TENM4: variants seen among roughly 807,000 people sequenced by gnomAD.
TENM4 encodes teneurin transmembrane protein 4, also known as teneurin-4.
Under a neutral mutation model 243.3 loss-of-function variants are expected in TENM4, and 82 were observed. The observed-to-expected ratio is 0.34, with a 90% CI of 0.28 to 0.40. The LOEUF (loss-of-function observed/expected upper bound fraction) is 0.40. Ranked by LOEUF, TENM4 falls within the 10% of genes least tolerant of loss-of-function variation. TENM4 has a pLI of 1.00. For synonymous variants in TENM4, 1,412 were observed against 1,456.3 expected (o/e 0.97, Z 0.69); for missense variants, 3,138 against 3,673.3 (o/e 0.85, Z 3.77).
At chr11:79,099,138 G>C (rs1861157932) in intron 4 of TENM4, among the ~76,000 whole-genome samples, 1 of 152,132 alleles carries the variant, frequency 6.6e-6, no homozygotes, top group African/African-American at 2.4e-5. Context: ...CCCTCCTCCT[G>C]TTGGAGGAGC....
chr11:79,150,545 C>T (rs1239269458), intron 3 of TENM4, among the ~76,000 whole-genome samples: 1 of 152,188 alleles, frequency 6.6e-6, no homozygotes, highest in Non-Finnish European at 1.5e-5. Flanking sequence ...TCCACTCCCA[C>T]ACTCTTCACA....
chr11:78,731,689 T>C (rs1855671755), intron 21 of TENM4, among the ~76,000 whole-genome samples: 1 of 152,230 alleles, frequency 6.6e-6, no homozygotes, highest in Non-Finnish European at 1.5e-5. Flanking sequence ...TTGATTTCCA[T>C]CAGATTAAAA....
chr11:79,064,515 C>T lies in TENM4; in HGVS notation c.493+223G>A, dbSNP rs547385771. 9.9e-6 allele frequency: 6 copies of T among 603,526 alleles called. No individual in the cohort carries two copies. The South Asian group carries it at 1.0e-4, about 10-fold the overall frequency. The allele number at this position is 603,526 out of a possible 1,614,324, so 37.4% of individuals were successfully genotyped here. A position where few individuals can be genotyped will look rare whatever the true frequency, so the allele number is the denominator to read the frequency against. On this transcript the variant is annotated intron_variant, in intron 6 of 33. Transcript: ENST00000278550. The stretch of plus-strand genomic sequence containing the variant: ...AATGACCCAGAGACTTAGGCGCCTC[C>T]CTAATCCGGAAGCAAAGAGCAGCGA...
intron 15 of TENM4, among the ~76,000 whole-genome samples, chr11:78,803,245 G>A (rs1407466359): frequency 6.6e-6 from 1 of 152,024 alleles, no homozygotes; most frequent in Non-Finnish European, 1.5e-5. Flanking sequence ...GGCCAGGCTG[G>A]TCTTGAACTC....
intron 2 of TENM4, among the ~76,000 whole-genome samples, chr11:79,218,975 G>A (rs965155712): frequency 6.6e-6 from 1 of 152,160 alleles, no homozygotes; most frequent in Non-Finnish European, 1.5e-5. Context: ...CCTGCTTTTG[G>A]GAAGCTCATA....
At chr11:79,118,162 A>C (rs893649745) in intron 4 of TENM4, among the ~76,000 whole-genome samples, 8 of 152,182 alleles carry the variant, frequency 5.3e-5, no homozygotes, top group African/African-American at 1.7e-4. Flanking sequence ...ATGAGACCAC[A>C]CATTTAGGAA....
At chr11:78,951,616 G>A (rs1021569259) in intron 6 of TENM4, among the ~76,000 whole-genome samples, 8 of 152,178 alleles carry the variant, frequency 5.3e-5, no homozygotes, top group South Asian at 2.1e-4. Context: ...GGCTCTCTTC[G>A]TGGCTTGTAG....
chr11:78,906,212 A>C (rs1856061037), intron 6 of TENM4, among the ~76,000 whole-genome samples: 1 of 152,262 alleles, frequency 6.6e-6, no homozygotes, highest in African/African-American at 2.4e-5. Context: ...TAATGCTCAC[A>C]ACAACCCTTC....
intron 3 of TENM4, among the ~76,000 whole-genome samples, chr11:79,164,468 GTGTA>G (rs1383200171): frequency 8.1e-6 from 1 of 123,768 alleles, no homozygotes; most frequent in Non-Finnish European, 1.6e-5. Context: ...TATATATATA[GTGTA>G]TATATATAGT....
intron 6 of TENM4, among the ~76,000 whole-genome samples, chr11:78,949,091 T>C (rs531079457): frequency 1.3e-5 from 2 of 152,304 alleles, no homozygotes; most frequent in South Asian, 2.1e-4. Flanking sequence ...CAAAGCCCAG[T>C]CTCTTTAGAT....
chr11:79,140,938 C>A (rs1862274337), intron 4 of TENM4, among the ~76,000 whole-genome samples: 3 of 151,976 alleles, frequency 2.0e-5, no homozygotes, highest in African/African-American at 7.2e-5. Flanking sequence ...GGTAGCTGGG[C>A]CTCTGACTCT....
chr11:78,930,186 C>G lies in TENM4; in HGVS notation c.494-26663G>C, dbSNP rs189291155. Among the ~76,000 whole-genome samples the G allele has an allele frequency of 1.4e-3, 215 of 152,304 alleles. 3 individuals carry two copies. The highest frequency in any genetic ancestry group is 2.6e-3 in the Admixed American group (40 of 15,300). ...GTGGGTCTCATTTTCCACATCAGTA[C>G]AAGTGCCTACTTGCTCTGGGTACCT... On this transcript the variant is annotated intron_variant, in intron 6 of 33. Transcript: ENST00000278550.
chr11:79,119,572 C>T (rs554187357), intron 4 of TENM4, among the ~76,000 whole-genome samples: 4 of 152,314 alleles, frequency 2.6e-5, no homozygotes, highest in South Asian at 2.1e-4. Context: ...ATCAGCCAGG[C>T]GCCTGCCCAG....
chr11:79,300,524 T>C (rs1051338481), intron 1 of TENM4, among the ~76,000 whole-genome samples: 1 of 152,228 alleles, frequency 6.6e-6, no homozygotes, highest in Non-Finnish European at 1.5e-5. Context: ...TAAAAAATTA[T>C]AGCTGCTCCT....
intron 6 of TENM4, among the ~76,000 whole-genome samples, chr11:78,956,706 T>C (rs1231487239): frequency 6.6e-6 from 1 of 152,228 alleles, no homozygotes; most frequent in African/African-American, 2.4e-5. Context: ...TAGCCATCAT[T>C]CTGAAACCCC....
chr11:78,797,729 C>T (rs1857189381), intron 15 of TENM4, among the ~76,000 whole-genome samples: 3 of 152,340 alleles, frequency 2.0e-5, no homozygotes, highest in Admixed American at 6.5e-5. Flanking sequence ...CTGACACTTC[C>T]CTTCCTCTCT....
chr11:79,064,623 G>C, intron 6 of TENM4, 115 bp downstream of exon 6: 1 of 1,388,180 alleles, frequency 7.2e-7, no homozygotes, highest in South Asian at 1.4e-5. Context: ...TGAGAGTAAA[G>C]CAATTTTTCA....
chr11:78,897,277 C>T (rs1273950581), intron 7 of TENM4, among the ~76,000 whole-genome samples: 2 of 152,112 alleles, frequency 1.3e-5, no homozygotes, highest in Non-Finnish European at 2.9e-5. Context: ...GCCTGGTTTG[C>T]CCCAGAGTCT....
chr11:78,925,956 TA>T lies in TENM4; in HGVS notation c.494-22434del, dbSNP rs1213501148. Among the ~76,000 whole-genome samples, 82 of 142,324 alleles carry T rather than the reference TA, an allele frequency of 5.8e-4. 1 individual carries two copies. The Middle Eastern group carries it at 0.011, about 19-fold the overall frequency. The allele number at this position is 142,324 out of a possible 152,430, so 93.4% of individuals were successfully genotyped here. On this transcript the variant is annotated intron_variant, in intron 6 of 33. Coordinates refer to ENST00000278550, the MANE Select transcript of TENM4 (RefSeq NM_001098816.3). The stretch of plus-strand genomic sequence containing the variant: ...CTATTTGGCTCAGGAGGAAAAGAAA[TA>T]AAAAAAAAAAACAACCCCAAAGCCC...
Sources: gnomAD v4.1 joint callset for allele counts (sites outside exome capture counted in the v4.1 genomes callset) on GRCh38, gnomAD v4.1.1 for gene constraint, MANE v1.5 for transcripts, NCBI Gene and HGNC (gene_info 2026-07-23, HGNC 2026-07-21) for gene names.